The following MAGI2 variants were observed in gnomAD, a reference collection of about 807,000 sequenced individuals.
The protein encoded by MAGI2 is membrane-associated guanylate kinase, WW and PDZ domain-containing protein 2.
Under a neutral mutation model 133.3 loss-of-function variants are expected in MAGI2, and 35 were observed. The ratio of observed to expected loss-of-function variants is 0.26; its 90% CI spans 0.20 to 0.35. The LOEUF is 0.35. MAGI2 is among the 10% of genes least tolerant of loss of function. The pLI is 1.00. For missense variants in MAGI2, 1,636 were observed against 1,863.4 expected, an observed-to-expected ratio of 0.88 and a Z score of 2.25; for synonymous variants, 729 against 710.6, an observed-to-expected ratio of 1.03 and a Z score of -0.41.
At chr7:79,200,843 G>C (rs1224137190) in intron 1 of MAGI2, among the ~76,000 whole-genome samples, 1 of 151,886 alleles carries the variant, frequency 6.6e-6, no homozygotes, top group East Asian at 1.9e-4. Context: ...TACTTTTCCT[G>C]AGAAATGTAT....
chr7:79,326,552 G>A (rs1419453077), intron 1 of MAGI2, among the ~76,000 whole-genome samples: 1 of 152,020 alleles, frequency 6.6e-6, no homozygotes, highest in Non-Finnish European at 1.5e-5. Context: ...ACCTATGAAA[G>A]GTATACTCCC....
At chr7:78,797,636 T>A (rs553184195) in intron 2 of MAGI2, among the ~76,000 whole-genome samples, 5 of 152,288 alleles carry the variant, frequency 3.3e-5, no homozygotes, top group East Asian at 1.9e-4. Flanking sequence ...AATCAGTGAG[T>A]ATTTAGTACC....
chr7:79,266,721 T>C (rs1834486802), intron 1 of MAGI2, among the ~76,000 whole-genome samples: 1 of 152,228 alleles, frequency 6.6e-6, no homozygotes, highest in East Asian at 1.9e-4. Flanking sequence ...CGGGAAACTT[T>C]TTAAACAGTT....
chr7:78,195,051 A>G lies in MAGI2; in HGVS notation c.2092T>C (p.Trp698Arg). The change falls in exon 12 of 22, where the codon TGG becomes CGG. Residue 698 changes from tryptophan to arginine, a missense_variant. This residue lies in a region of MAGI2 where 920 missense variants were observed against 1,093.5 expected (regional missense o/e 0.84). Transcript: ENST00000354212. ...WKTPKPIMDR[W>R]ENQGSPQTSL... ...GTTTGAGGACTGCCTTGATTCTCCCATCGGTCCATTATCTGAAAAGTGACA... is the reference window on the plus strand; with the variant it reads ...GTTTGAGGACTGCCTTGATTCTCCCGTCGGTCCATTATCTGAAAAGTGACA... The G allele has an allele frequency of 1.2e-6, 2 of 1,606,560 alleles. No individual in the cohort carries two copies. Among genetic ancestry groups the G allele is most frequent in the South Asian group, 1.1e-5 (1 of 89,576 alleles).
chr7:79,396,098 GT>G (rs1251444409), intron 1 of MAGI2, among the ~76,000 whole-genome samples: 1 of 152,012 alleles, frequency 6.6e-6, no homozygotes, highest in African/African-American at 2.4e-5. Flanking sequence ...AGCGACTGTT[GT>G]AATAGACTGC....
At chr7:78,668,788 C>T (rs1813956246) in intron 2 of MAGI2, among the ~76,000 whole-genome samples, 1 of 151,368 alleles carries the variant, frequency 6.6e-6, no homozygotes, top group Non-Finnish European at 1.5e-5. Flanking sequence ...CGCTCAACTA[C>T]ATGGAAACTG....
chr7:79,051,555 T>C (rs535948610), intron 1 of MAGI2, among the ~76,000 whole-genome samples: 6 of 152,314 alleles, frequency 3.9e-5, no homozygotes, highest in East Asian at 1.9e-4. Context: ...TAAAATCTCT[T>C]ATTGCACATG....
At chr7:78,656,556 T>C (rs549393241) in intron 2 of MAGI2, among the ~76,000 whole-genome samples, 45 of 152,256 alleles carry the variant, frequency 3.0e-4, no homozygotes, top group African/African-American at 1.0e-3. Context: ...GGGGAGATGC[T>C]GGTCAAAGAG....
At chr7:78,213,098 G>C (rs1477814894) in intron 10 of MAGI2, among the ~76,000 whole-genome samples, 1 of 152,122 alleles carries the variant, frequency 6.6e-6, no homozygotes, top group Non-Finnish European at 1.5e-5. Context: ...ATCCTTTCTA[G>C]TGCTTTATAA....
At chr7:78,643,035 T>C (rs1452710242) in intron 2 of MAGI2, among the ~76,000 whole-genome samples, 1 of 152,204 alleles carries the variant, frequency 6.6e-6, no homozygotes, top group Admixed American at 6.5e-5. Context: ...ATAATGAAAC[T>C]GGGAATCAAA....
At chr7:78,362,170 C>G (rs543186877) in intron 7 of MAGI2, among the ~76,000 whole-genome samples, 5 of 152,100 alleles carry the variant, frequency 3.3e-5, no homozygotes, top group African/African-American at 1.2e-4. Context: ...AGTGTGGTAG[C>G]GCACACCTGT....
At chr7:78,115,173 C>G (rs1819737241) in intron 20 of MAGI2, among the ~76,000 whole-genome samples, 1 of 152,106 alleles carries the variant, frequency 6.6e-6, no homozygotes, top group Non-Finnish European at 1.5e-5. Flanking sequence ...TCCTGGGAAC[C>G]TTGAGTTTCC....
intron 1 of MAGI2, among the ~76,000 whole-genome samples, chr7:79,056,092 G>A (rs1165682990): frequency 6.6e-6 from 1 of 152,194 alleles, no homozygotes; most frequent in Non-Finnish European, 1.5e-5. Flanking sequence ...TTGATTAAAT[G>A]AGAGAACCCT....
chr7:79,086,220 T>C lies in MAGI2; in HGVS notation c.302-79014A>G, dbSNP rs76126241. 7.7e-3 allele frequency among the ~76,000 whole-genome samples: 1,167 copies of C among 151,934 alleles called. 20 individuals carry two copies. The highest frequency in any genetic ancestry group is 0.027 in the African/African-American group (1,108 of 41,502). ...AGGATGGGACAGACTGAACTCCAAG[T>C]CAGGTCAAATTTTAAAAGTCCTGAC... On this transcript the variant is annotated intron_variant, in intron 1 of 21. Transcript: ENST00000354212.
chr7:78,405,324 A>G (rs565671421), intron 6 of MAGI2, among the ~76,000 whole-genome samples: 1 of 152,206 alleles, frequency 6.6e-6, no homozygotes, highest in South Asian at 2.1e-4. Flanking sequence ...AGTGTGGATA[A>G]AATCAATGAG....
intron 2 of MAGI2, among the ~76,000 whole-genome samples, chr7:78,949,192 CAG>C (rs1563696383): frequency 6.6e-6 from 1 of 152,132 alleles, no homozygotes; most frequent in African/African-American, 2.4e-5. Flanking sequence ...TTGCAACAAA[CAG>C]TGTTTTAAAC....
chr7:79,295,470 T>C (rs1836857827), intron 1 of MAGI2, among the ~76,000 whole-genome samples: 1 of 152,186 alleles, frequency 6.6e-6, no homozygotes, highest in Non-Finnish European at 1.5e-5. Context: ...CCATTAACAA[T>C]ATCCATAGCA....
chr7:79,109,836 T>C (rs1480249198), intron 1 of MAGI2, among the ~76,000 whole-genome samples: 1 of 149,766 alleles, frequency 6.7e-6, no homozygotes, highest in Non-Finnish European at 1.5e-5. Flanking sequence ...CTCTGAAATC[T>C]AGGTGGAGGC....
chr7:79,365,619 G>C (rs1585718271), intron 1 of MAGI2, among the ~76,000 whole-genome samples: 1 of 151,858 alleles, frequency 6.6e-6, no homozygotes, highest in African/African-American at 2.4e-5. Flanking sequence ...GCACTTTGGG[G>C]GGCCGAGGCG....
Sources: gnomAD v4.1 joint callset for allele counts (sites outside exome capture counted in the v4.1 genomes callset) on GRCh38, gnomAD v4.1.1 for gene constraint, gnomAD v4.1.1 regional missense constraint, MANE v1.5 for transcripts, NCBI Gene and HGNC (gene_info 2026-07-23, HGNC 2026-07-21) for gene names.